The following MRPS27 variants were observed in gnomAD, a reference collection of about 807,000 sequenced individuals.
MRPS27 encodes the protein small ribosomal subunit protein mS27.
A neutral mutation model predicts 48.9 loss-of-function variants in MRPS27; 43 were observed. The ratio of observed to expected loss-of-function variants is 0.88; its 90% CI spans 0.69 to 1.13. MRPS27 has a LOEUF of 1.13. Among genes scored for constraint, MRPS27 ranks in the 50% most tolerant of loss-of-function variants. MRPS27 has a pLI of 0.00. For synonymous variants in MRPS27, 188 were observed against 171.9 expected (o/e 1.09, Z -0.73); for missense variants, 467 against 476.3 (o/e 0.98, Z 0.18).
At chr5:72,281,982 C>T (rs1413045268) in intron 4 of MRPS27, among the ~76,000 whole-genome samples, 5 of 152,008 alleles carry the variant, frequency 3.3e-5, no homozygotes, top group Non-Finnish European at 7.4e-5. Flanking sequence ...GTTTTAAGTC[C>T]CAGCTTTGCC....
intron 4 of MRPS27, among the ~76,000 whole-genome samples, chr5:72,258,956 G>T (rs1748889506): frequency 6.6e-6 from 1 of 151,978 alleles, no homozygotes; most frequent in South Asian, 2.1e-4. Flanking sequence ...TCTCCATTTG[G>T]ACCTCCCATA....
intron 1 of MRPS27, 134 bp downstream of exon 1, chr5:72,320,015 T>C: frequency 2.4e-6 from 2 of 836,800 alleles, no homozygotes; most frequent in Non-Finnish European, 3.9e-6. Context: ...CTCCTTCTTC[T>C]GCACTACCAA....
chr5:72,252,683 T>C (rs1293306293), intron 4 of MRPS27, among the ~76,000 whole-genome samples: 4 of 152,180 alleles, frequency 2.6e-5, no homozygotes, highest in Non-Finnish European at 5.9e-5. Flanking sequence ...GCCTGCTTTA[T>C]AGAAAATGTG....
chr5:72,270,675 G>A lies in MRPS27; in HGVS notation c.281+24856C>T, dbSNP rs1051660330. ...ACATTTTGTGACATTATACAATCCT[G>A]ACGCCAAAACTACACAAGGCAACAT... On this transcript the variant is annotated intron_variant, in intron 4 of 10. Transcript: ENST00000261413. 5.9e-5 allele frequency among the ~76,000 whole-genome samples: 9 copies of A among 152,114 alleles called. No individual in the cohort carries two copies. In the South Asian group the frequency reaches 1.7e-3, roughly 28 times the overall value.
At chr5:72,266,976 T>C (rs1317318106) in intron 4 of MRPS27, among the ~76,000 whole-genome samples, 1 of 152,158 alleles carries the variant, frequency 6.6e-6, no homozygotes, top group East Asian at 1.9e-4. Flanking sequence ...CTTCCCAAAG[T>C]GAGGCTCAGG....
At chr5:72,257,812 C>T (rs868166645) in intron 4 of MRPS27, among the ~76,000 whole-genome samples, 3 of 152,010 alleles carry the variant, frequency 2.0e-5, no homozygotes, top group Admixed American at 6.6e-5. Flanking sequence ...AGGCTGGGTG[C>T]GATGGCTCAT....
intron 4 of MRPS27, among the ~76,000 whole-genome samples, chr5:72,245,376 G>T (rs1049738839): frequency 1.3e-5 from 2 of 152,148 alleles, no homozygotes; most frequent in Admixed American, 6.5e-5. Flanking sequence ...AAATATTTTG[G>T]TTTTTGAGTA....
In MRPS27 at chr5:72,304,713, G is replaced by A. The variant is rs185346293; in HGVS notation, c.152-7011C>T. 5.2e-4 allele frequency among the ~76,000 whole-genome samples: 79 copies of A among 152,302 alleles called. No homozygotes were observed. The East Asian group carries it at 0.014, about 27-fold the overall frequency. The stretch of plus-strand genomic sequence containing the variant: ...GTTGAAAAACAAGCCTCTTAAAAAA[G>A]AGTGTGGTCTCTGGGGCAAAGTTGT... On this transcript the variant is annotated intron_variant, in intron 2 of 10. Transcript: ENST00000261413.
At chr5:72,282,860 A>C (rs1000623314) in intron 4 of MRPS27, among the ~76,000 whole-genome samples, 1 of 152,248 alleles carries the variant, frequency 6.6e-6, no homozygotes, top group African/African-American at 2.4e-5. Context: ...AGAAGAGAAT[A>C]AGAGATCTTC....
At chr5:72,242,991 G>A (rs935883355) in intron 4 of MRPS27, among the ~76,000 whole-genome samples, 1 of 152,124 alleles carries the variant, frequency 6.6e-6, no homozygotes, top group Non-Finnish European at 1.5e-5. Flanking sequence ...ATGTTTATCC[G>A]ATTCCGAGAG....
intron 10 of MRPS27, among the ~76,000 whole-genome samples, chr5:72,221,828 T>A (rs1197996654): frequency 3.3e-5 from 5 of 152,102 alleles, no homozygotes; most frequent in Non-Finnish European, 7.4e-5. Flanking sequence ...CAGGTCAGTC[T>A]TTATGTATTG....
At chr5:72,264,792 A>G (rs2112007479) in intron 4 of MRPS27, among the ~76,000 whole-genome samples, 1 of 152,334 alleles carries the variant, frequency 6.6e-6, no homozygotes, top group African/African-American at 2.4e-5. Context: ...CTCTACTGAC[A>G]TCTCTGATTC....
At chr5:72,308,214 G>C (rs1750331263) in intron 2 of MRPS27, among the ~76,000 whole-genome samples, 1 of 152,212 alleles carries the variant, frequency 6.6e-6, no homozygotes, top group South Asian at 2.1e-4. Flanking sequence ...CAGCCACGAG[G>C]ACGAAGAGAG....
chr5:72,241,538 A>G, intron 4 of MRPS27: 1 of 1,105,088 alleles, frequency 9.0e-7, no homozygotes, highest in Non-Finnish European at 1.3e-6. Flanking sequence ...AAGTTTGAGA[A>G]GAATTCCTGT....
chr5:72,298,937 T>TA (rs34268612), intron 2 of MRPS27, among the ~76,000 whole-genome samples: 83 of 147,214 alleles, frequency 5.6e-4, no homozygotes, highest in Admixed American at 1.0e-3. Flanking sequence ...TACACAGCCA[T>TA]AAAAAAAAAA....
chr5:72,299,313 TAAAAG>T lies in MRPS27; in HGVS notation c.152-1616_152-1612del, dbSNP rs1750069291. ...ATAATTAGCTCATGAAAGAAAAAAATAAAAGAAAAAAAAAAAAGACCTGGGATGGG... is the reference window on the plus strand; with the variant it reads ...ATAATTAGCTCATGAAAGAAAAAAATAAAAAAAAAAAAGACCTGGGATGGG... On this transcript the variant is annotated intron_variant, in intron 2 of 10. Coordinates refer to ENST00000261413, the MANE Select transcript of MRPS27 (RefSeq NM_015084.3). 4.0e-5 allele frequency among the ~76,000 whole-genome samples: 3 copies of T among 74,742 alleles called. No individual in the cohort carries two copies. In the South Asian group the frequency reaches 1.2e-3, roughly 30 times the overall value. 49.0% of individuals were successfully genotyped at this position (74,742 alleles called of 152,430 possible).
chr5:72,315,721 G>A (rs1318670607), intron 1 of MRPS27, among the ~76,000 whole-genome samples: 1 of 152,126 alleles, frequency 6.6e-6, no homozygotes, highest in Non-Finnish European at 1.5e-5. Context: ...TCAAAAAACA[G>A]ATAATGACAA....
intron 9 of MRPS27, among the ~76,000 whole-genome samples, chr5:72,224,428 C>A (rs995008044): frequency 6.6e-6 from 1 of 152,174 alleles, no homozygotes; most frequent in East Asian, 1.9e-4. Flanking sequence ...CGCACAATGG[C>A]AGCTAAGTTC....
At chr5:72,289,206 C>CATGGATGA (rs922426905) in intron 4 of MRPS27, among the ~76,000 whole-genome samples, 1 of 152,262 alleles carries the variant, frequency 6.6e-6, no homozygotes, top group African/African-American at 2.4e-5. Flanking sequence ...CCACGTACAG[C>CATGGATGA]ATGGATGAAT....
Sources: allele counts gnomAD v4.1 joint callset (sites outside exome capture counted in the v4.1 genomes callset), GRCh38; gene constraint gnomAD v4.1.1; transcripts MANE v1.5; gene names NCBI Gene and HGNC (gene_info 2026-07-23, HGNC 2026-07-21).